Variants in PLS1 observed in about 807,000 individuals in gnomAD.
PLS1 encodes the protein plastin-1.
Under a neutral mutation model 73.7 loss-of-function variants are expected in PLS1, and 32 were observed. The observed-to-expected ratio is 0.43, with a 90% CI of 0.33 to 0.58. The LOEUF (loss-of-function observed/expected upper bound fraction) is 0.58. Ranked by LOEUF, PLS1 falls within the 20% of genes least tolerant of loss-of-function variation. The pLI, the probability that PLS1 is intolerant of heterozygous loss-of-function variation, is 0.04. For synonymous variants in PLS1, 217 were observed against 261.3 expected (o/e 0.83, Z 1.63); for missense variants, 633 against 740.5 (o/e 0.85, Z 1.68).
At chr3:142,640,289 A>C (rs947393441) in intron 1 of PLS1, among the ~76,000 whole-genome samples, 4 of 152,208 alleles carry the variant, frequency 2.6e-5, no homozygotes, top group African/African-American at 9.6e-5. Context: ...GGTTTTAGTG[A>C]CTTTCTGTAC....
chr3:142,622,980 C>T (rs911867435), intron 1 of PLS1, among the ~76,000 whole-genome samples: 3 of 152,156 alleles, frequency 2.0e-5, no homozygotes, highest in African/African-American at 7.2e-5. Flanking sequence ...TAGGGTCTTG[C>T]TGTATTGCCC....
chr3:142,686,447 T>A, intron 9 of PLS1, 71 bp downstream of exon 9: 1 of 918,144 alleles, frequency 1.1e-6, no homozygotes, highest in Middle Eastern at 2.1e-4. Flanking sequence ...ATTTTTATCA[T>A]TTTCAGTGTT....
chr3:142,666,501 A>G (rs1027918557), intron 2 of PLS1, among the ~76,000 whole-genome samples: 1 of 152,186 alleles, frequency 6.6e-6, no homozygotes, highest in South Asian at 2.1e-4. Flanking sequence ...AAGGTTGAAT[A>G]ATATTTTATT....
chr3:142,657,794 T>C (rs1223233111), intron 1 of PLS1, among the ~76,000 whole-genome samples: 3 of 152,196 alleles, frequency 2.0e-5, no homozygotes, highest in Admixed American at 2.0e-4. Flanking sequence ...AGTGTGTTAT[T>C]GCTTTAATTG....
rs142283667 is a variant in PLS1 at position 142,608,575 on chromosome 3, G to A, written c.-37+12066G>A. On this transcript the variant is annotated intron_variant, in intron 1 of 15. Coordinates refer to ENST00000457734, the MANE Select transcript of PLS1 (RefSeq NM_001145319.2). Reference sequence around the variant, plus strand: ...CACATAGCTTGTCAGTAGAAGAGATGAGATTTGAACTCAGGGCTGTGGAAG... The same window carrying A: ...CACATAGCTTGTCAGTAGAAGAGATAAGATTTGAACTCAGGGCTGTGGAAG... Among the ~76,000 whole-genome samples the A allele has an allele frequency of 3.5e-3, 535 of 152,300 alleles. 4 individuals carry two copies. Among genetic ancestry groups the A allele is most frequent in the African/African-American group, 0.012 (513 of 41,576 alleles).
At chr3:142,628,319 C>G (rs1335359154) in intron 1 of PLS1, among the ~76,000 whole-genome samples, 1 of 150,558 alleles carries the variant, frequency 6.6e-6, no homozygotes, top group African/African-American at 2.5e-5. Context: ...AAGATGGGTC[C>G]CAGAATATAG....
chr3:142,617,146 ATT>A (rs71871118), intron 1 of PLS1, among the ~76,000 whole-genome samples: 21 of 144,446 alleles, frequency 1.5e-4, no homozygotes, highest in Admixed American at 2.8e-4. Flanking sequence ...GATTAGGAAG[ATT>A]TTTTTTTTTT....
intron 1 of PLS1, among the ~76,000 whole-genome samples, chr3:142,646,676 TTA>T (rs1364334424): frequency 1.9e-4 from 29 of 152,234 alleles, no homozygotes; most frequent in African/African-American, 7.0e-4. Context: ...ATCATAGTTC[TTA>T]CTGTGGAGCT....
intron 12 of PLS1, 29 bp downstream of exon 12, chr3:142,698,096 TG>T: frequency 8.3e-7 from 1 of 1,200,256 alleles, no homozygotes; most frequent in Non-Finnish European, 1.2e-6. Flanking sequence ...ATGGATATAT[TG>T]TTATTGTTCT....
intron 12 of PLS1, chr3:142,698,302 G>T: frequency 5.4e-6 from 2 of 369,354 alleles, no homozygotes; most frequent in Non-Finnish European, 4.9e-6. Flanking sequence ...AGTACTTAAT[G>T]TTCTTTGAGA....
intron 11 of PLS1, among the ~76,000 whole-genome samples, chr3:142,697,622 T>C (rs2038238003): frequency 1.3e-5 from 2 of 152,172 alleles, no homozygotes; most frequent in Admixed American, 1.3e-4. Flanking sequence ...TATCAATACA[T>C]AGAGATCTAC....
At chr3:142,650,645 C>T (rs1327305807) in intron 1 of PLS1, among the ~76,000 whole-genome samples, 1 of 152,086 alleles carries the variant, frequency 6.6e-6, no homozygotes, top group Non-Finnish European at 1.5e-5. Flanking sequence ...CCAAAAATGG[C>T]ATGGATGTAT....
At chr3:142,625,855 T>A (rs1216611762) in intron 1 of PLS1, among the ~76,000 whole-genome samples, 1 of 151,996 alleles carries the variant, frequency 6.6e-6, no homozygotes, top group Non-Finnish European at 1.5e-5. Flanking sequence ...ACGCCTGTAG[T>A]CCCAGCTACT....
At chr3:142,685,969 C>T (rs752632333) in intron 8 of PLS1, among the ~76,000 whole-genome samples, 73 of 152,206 alleles carry the variant, frequency 4.8e-4, no homozygotes, top group Admixed American at 1.7e-3. Context: ...GGAAGGCATA[C>T]GGGAGATAAT....
At chr3:142,700,780 G>T (rs1197969795) in intron 12 of PLS1, among the ~76,000 whole-genome samples, 1 of 152,184 alleles carries the variant, frequency 6.6e-6, no homozygotes, top group Non-Finnish European at 1.5e-5. Context: ...ATCTCATCTT[G>T]AATTGTACTC....
At chr3:142,668,457 A>T (rs1457339592) in intron 2 of PLS1, among the ~76,000 whole-genome samples, 1 of 152,232 alleles carries the variant, frequency 6.6e-6, no homozygotes, top group Non-Finnish European at 1.5e-5. Flanking sequence ...TGAAACGTAG[A>T]ACACAAATGC....
At chr3:142,602,603 C>T (rs773516247) in intron 1 of PLS1, among the ~76,000 whole-genome samples, 1 of 151,912 alleles carries the variant, frequency 6.6e-6, no homozygotes, top group African/African-American at 2.4e-5. Context: ...TTAAAGGCCC[C>T]CCCCACCCCA....
chr3:142,599,744 G>A (rs1335146739), intron 1 of PLS1, among the ~76,000 whole-genome samples: 1 of 146,826 alleles, frequency 6.8e-6, no homozygotes, highest in Non-Finnish European at 1.5e-5. Context: ...TTGGCCCCAC[G>A]ATTATTTTTA....
intron 1 of PLS1, among the ~76,000 whole-genome samples, chr3:142,645,030 C>T (rs1371623384): frequency 6.6e-6 from 1 of 152,150 alleles, no homozygotes; most frequent in African/African-American, 2.4e-5. Flanking sequence ...CAAACTCTAA[C>T]CCGTTTGATA....
Sources: allele counts gnomAD v4.1 joint callset (sites outside exome capture counted in the v4.1 genomes callset), GRCh38; gene constraint gnomAD v4.1.1; transcripts MANE v1.5; gene names NCBI Gene and HGNC (gene_info 2026-07-23, HGNC 2026-07-21).